Variants in BACE2 observed in about 807,000 individuals in gnomAD.
The protein encoded by BACE2 is beta-secretase 2.
Under a neutral mutation model 46.2 loss-of-function variants are expected in BACE2, and 17 were observed. The ratio of observed to expected loss-of-function variants is 0.37; its 90% CI spans 0.25 to 0.55. The LOEUF (loss-of-function observed/expected upper bound fraction) is 0.55. Ranked by LOEUF, BACE2 falls within the 20% of genes least tolerant of loss-of-function variation. The pLI, the probability that BACE2 is intolerant of heterozygous loss-of-function variation, is 0.82. For synonymous variants in BACE2, 277 were observed against 295.9 expected (o/e 0.94, Z 0.66); for missense variants, 595 against 698.1 (o/e 0.85, Z 1.66).
intron 1 of BACE2, among the ~76,000 whole-genome samples, chr21:41,194,180 G>A (rs1003487904): frequency 2.0e-5 from 3 of 152,110 alleles, no homozygotes; most frequent in Non-Finnish European, 4.4e-5. Flanking sequence ...TAGGAATGCA[G>A]TGGGCTTCCT....
At chr21:41,216,956 G>A (rs1423697636) in intron 1 of BACE2, among the ~76,000 whole-genome samples, 2 of 152,244 alleles carry the variant, frequency 1.3e-5, no homozygotes, top group South Asian at 2.1e-4. Flanking sequence ...CTCTGAGATG[G>A]AGTCTCGCTC....
rs1380439572 is a variant in BACE2 at position 41,193,155 on chromosome 21, G to T, written c.312+24580G>T. Among the ~76,000 whole-genome samples, 3 of 152,158 alleles carry T rather than the reference G, an allele frequency of 2.0e-5. No individual in the cohort carries two copies. The highest frequency in any genetic ancestry group is 2.0e-4 in the Admixed American group (3 of 15,282). ...AAGCGATCAAGGTCTCTCCAAATAA[G>T]ATTATGACATAAAGCCGGAGAGTTT... On this transcript the variant is annotated intron_variant, in intron 1 of 8. Transcript: ENST00000330333. The surrounding 1 kb of genome is among the most constrained non-coding windows in gnomAD (Gnocchi z 4.2).
At chr21:41,213,513 G>A (rs911597611) in intron 1 of BACE2, among the ~76,000 whole-genome samples, 10 of 152,170 alleles carry the variant, frequency 6.6e-5, no homozygotes, top group African/African-American at 2.2e-4. Context: ...GGTGGCTCAC[G>A]CCTGTAATCG....
chr21:41,254,989 C>G (rs1203862498), intron 7 of BACE2, among the ~76,000 whole-genome samples: 2 of 152,136 alleles, frequency 1.3e-5, no homozygotes, highest in Non-Finnish European at 2.9e-5. Flanking sequence ...CTGAGTTGGG[C>G]GAGGGAGTGA....
chr21:41,260,956 A>G (rs1987921092), intron 8 of BACE2, among the ~76,000 whole-genome samples: 1 of 152,022 alleles, frequency 6.6e-6, no homozygotes, highest in African/African-American at 2.4e-5. Context: ...ACTCGACTTT[A>G]TTGTTTGACA....
intron 5 of BACE2, among the ~76,000 whole-genome samples, chr21:41,243,915 C>T (rs1306075593): frequency 1.3e-5 from 2 of 151,940 alleles, no homozygotes; most frequent in African/African-American, 2.4e-5. Flanking sequence ...AGATCATCAG[C>T]TTTTATCCTC....
intron 8 of BACE2, among the ~76,000 whole-genome samples, chr21:41,273,438 C>A (rs886819300): frequency 1.3e-5 from 2 of 152,208 alleles, no homozygotes; most frequent in African/African-American, 4.8e-5. Flanking sequence ...CCCCTAGGAA[C>A]ACATTCTTTT....
intron 2 of BACE2, among the ~76,000 whole-genome samples, chr21:41,228,455 G>A (rs1482836285): frequency 6.6e-6 from 1 of 152,216 alleles, no homozygotes; most frequent in East Asian, 1.9e-4. Flanking sequence ...TTGGCTCATG[G>A]TTCTGCAGGC....
At chr21:41,239,512 G>A (rs939774817) in intron 3 of BACE2, among the ~76,000 whole-genome samples, 2 of 152,246 alleles carry the variant, frequency 1.3e-5, no homozygotes, top group South Asian at 2.1e-4. Context: ...CAAGTAGCTG[G>A]GACCACAGGC....
At chr21:41,251,627 C>A (rs571708760) in intron 7 of BACE2, among the ~76,000 whole-genome samples, 88 of 152,192 alleles carry the variant, frequency 5.8e-4, no homozygotes, top group Middle Eastern at 3.4e-3. Context: ...ATGGCAAAAC[C>A]CCGTCTCTGC....
In BACE2 at chr21:41,168,342, G is replaced by T; in HGVS notation, c.79G>T (p.Ala27Ser). The change falls in exon 1 of 9, where the codon GCG becomes TCG. Residue 27 changes from alanine (A) to serine (S), a missense_variant. Coordinates refer to ENST00000330333, the MANE Select transcript of BACE2 (RefSeq NM_012105.5). ...GCGCGCCGCCCCGGAGCTGGCCCCC[G>T]CGCCCTTCACGCTGCCCCTCCGGGT... ...LLRAAPELAP[A>S]PFTLPLRVAA... is the part of the protein sequence containing the mutation. The T allele has an allele frequency of 7.3e-7, 1 of 1,372,122 alleles. No individual in the cohort carries two copies. The highest frequency in any genetic ancestry group is 3.1e-5 in the Admixed American group (1 of 32,398). 85.0% of individuals were successfully genotyped at this position (1,372,122 alleles called of 1,614,324 possible).
chr21:41,179,052 G>A, intron 1 of BACE2: 1 of 1,124,020 alleles, frequency 8.9e-7, no homozygotes, highest in East Asian at 5.9e-5. Flanking sequence ...CTGCAGCCAG[G>A]GAGGTGAAGA....
chr21:41,239,626 C>A (rs1228171931), intron 3 of BACE2, among the ~76,000 whole-genome samples: 1 of 152,216 alleles, frequency 6.6e-6, no homozygotes, highest in Admixed American at 6.5e-5. Flanking sequence ...GATCCATTCA[C>A]ATCAGCCTCT....
At chr21:41,244,872 T>TGTGTGTGTGA (rs1278957048) in intron 5 of BACE2, among the ~76,000 whole-genome samples, 1 of 151,910 alleles carries the variant, frequency 6.6e-6, no homozygotes, top group African/African-American at 2.4e-5. Flanking sequence ...TCTGTGTGTG[T>TGTGTGTGTGA]GTGTGTGTGA....
At chr21:41,233,831 T>G (rs971105739) in intron 2 of BACE2, among the ~76,000 whole-genome samples, 1 of 152,212 alleles carries the variant, frequency 6.6e-6, no homozygotes, top group South Asian at 2.1e-4. Flanking sequence ...CATGGTGGCA[T>G]GCGCCTGTAA....
intron 1 of BACE2, chr21:41,183,604 C>T: frequency 6.0e-6 from 1 of 167,182 alleles, no homozygotes. Flanking sequence ...CTGCATTGCT[C>T]AAAAGGAGAT....
At chr21:41,254,252 C>T (rs1275285359) in intron 7 of BACE2, among the ~76,000 whole-genome samples, 1 of 152,216 alleles carries the variant, frequency 6.6e-6, no homozygotes, top group Non-Finnish European at 1.5e-5. Flanking sequence ...GCTGGCAGCC[C>T]ACAGGGGAGC....
intron 2 of BACE2, among the ~76,000 whole-genome samples, 171 bp downstream of exon 2, chr21:41,226,525 C>A (rs1986823588): frequency 6.6e-6 from 1 of 152,236 alleles, no homozygotes; most frequent in African/African-American, 2.4e-5. Context: ...TGTACATGTT[C>A]ATTCCATCCA....
chr21:41,195,506 CTG>C (rs1985704428), intron 1 of BACE2, among the ~76,000 whole-genome samples: 1 of 152,228 alleles, frequency 6.6e-6, no homozygotes, highest in African/African-American at 2.4e-5. Flanking sequence ...CCTCCATTCT[CTG>C]TGTTTCAATT....
Sources: gnomAD v4.1 joint callset for allele counts (sites outside exome capture counted in the v4.1 genomes callset) on GRCh38, gnomAD v4.1.1 for gene constraint, Gnocchi (gnomAD v3.1) non-coding constraint, MANE v1.5 for transcripts, NCBI Gene and HGNC (gene_info 2026-07-23, HGNC 2026-07-21) for gene names.